Variants in RSBN1L observed in about 807,000 individuals in gnomAD.
The protein encoded by RSBN1L is lysine-specific demethylase RSBN1L.
Under a neutral mutation model 67.7 loss-of-function variants are expected in RSBN1L, and 30 were observed. That is an observed-to-expected ratio of 0.44 (90% confidence interval 0.33 to 0.60). RSBN1L has a LOEUF of 0.60. RSBN1L is among the 20% of genes least tolerant of loss of function. RSBN1L has a pLI of 0.02. For missense variants in RSBN1L, 992 were observed against 1,031.7 expected, an observed-to-expected ratio of 0.96 and a Z score of 0.53; for synonymous variants, 433 against 387.0, an observed-to-expected ratio of 1.12 and a Z score of -1.39.
chr7:77,740,991 T>C (rs1436545207), intron 2 of RSBN1L, among the ~76,000 whole-genome samples: 3 of 148,864 alleles, frequency 2.0e-5, no homozygotes, highest in Admixed American at 6.7e-5. Context: ...TTTTCTTTTT[T>C]TTTTTTTTTT....
chr7:77,723,915 CAA>C (rs1308144915), intron 1 of RSBN1L, among the ~76,000 whole-genome samples: 1 of 150,564 alleles, frequency 6.6e-6, no homozygotes. Flanking sequence ...GCCTGGGACA[CAA>C]GAGTGAAACT....
intron 2 of RSBN1L, among the ~76,000 whole-genome samples, chr7:77,746,699 C>A (rs982844591): frequency 6.6e-6 from 1 of 152,072 alleles, no homozygotes; most frequent in Non-Finnish European, 1.5e-5. Context: ...CACCTATGAG[C>A]GTATAAAATA....
chr7:77,774,539 CAACATGGTAA>C (rs529725937), intron 6 of RSBN1L, among the ~76,000 whole-genome samples: 1 of 152,218 alleles, frequency 6.6e-6, no homozygotes, highest in Non-Finnish European at 1.5e-5. Context: ...CCAGCCTGAC[CAACATGGTAA>C]AACCCCATCT....
chr7:77,717,946 C>T (rs1226314117), intron 1 of RSBN1L, among the ~76,000 whole-genome samples: 2 of 152,082 alleles, frequency 1.3e-5, no homozygotes, highest in Non-Finnish European at 2.9e-5. Flanking sequence ...TGGAACCTGG[C>T]AGGCGGAGGC....
At chr7:77,768,890 A>G in intron 5 of RSBN1L, 87 bp downstream of exon 5, 1 of 1,156,548 alleles carries the variant, frequency 8.6e-7, no homozygotes, top group Non-Finnish European at 1.3e-6. Flanking sequence ...GGAAGGAGGA[A>G]TGCAAAGTTT....
At chr7:77,698,008 G>A (rs558582164) in intron 1 of RSBN1L, among the ~76,000 whole-genome samples, 1 of 152,290 alleles carries the variant, frequency 6.6e-6, no homozygotes, top group Non-Finnish European at 1.5e-5. Flanking sequence ...AATGTGCACT[G>A]CTACACAGTG....
At chr7:77,718,474 A>C (rs1020136259) in intron 1 of RSBN1L, among the ~76,000 whole-genome samples, 1 of 152,042 alleles carries the variant, frequency 6.6e-6, no homozygotes, top group African/African-American at 2.4e-5. Context: ...TATTTTTTAT[A>C]GAGATGAGGT....
rs373897085 is a variant in RSBN1L, at chr7:77,779,025, A to G, written c.2398A>G (p.Ile800Val). 7.0e-5 allele frequency: 113 copies of G among 1,613,970 alleles called. No individual in the cohort carries two copies. Among genetic ancestry groups the G allele is most frequent in the Non-Finnish European group, 8.8e-5 (104 of 1,179,978 alleles). The change falls in exon 8 of 8, where the codon ATT becomes GTT. Residue 800 changes from isoleucine (I) to valine (V), a missense_variant. This residue lies in a region of RSBN1L where 199 missense variants were observed against 167.7 expected (regional missense o/e 1.19). Transcript: ENST00000334955. ...LDHVQFAEFK[I>V]DMDSKFENSN... ...TCATGTTCAATTTGCAGAATTTAAG[A>G]TTGACATGGATTCTAAATTTGAAAA...
intron 1 of RSBN1L, among the ~76,000 whole-genome samples, chr7:77,718,472 A>G (rs914644673): frequency 2.0e-5 from 3 of 151,898 alleles, no homozygotes; most frequent in African/African-American, 7.3e-5. Flanking sequence ...TGTATTTTTT[A>G]TAGAGATGAG....
At chr7:77,738,725 A>G (rs1467389771) in intron 2 of RSBN1L, among the ~76,000 whole-genome samples, 1 of 152,098 alleles carries the variant, frequency 6.6e-6, no homozygotes, top group Non-Finnish European at 1.5e-5. Flanking sequence ...AGGCAGGTGG[A>G]TCACCTGAGG....
chr7:77,774,638 G>T (rs1189361505), intron 6 of RSBN1L, among the ~76,000 whole-genome samples: 1 of 152,186 alleles, frequency 6.6e-6, no homozygotes, highest in Non-Finnish European at 1.5e-5. Flanking sequence ...TCAGGAGGCT[G>T]AGGCAGGAGA....
intron 1 of RSBN1L, among the ~76,000 whole-genome samples, chr7:77,708,292 T>A: frequency 6.6e-6 from 1 of 152,074 alleles, no homozygotes; most frequent in Non-Finnish European, 1.5e-5. Context: ...AACCACTGGC[T>A]AAGATTGATG....
chr7:77,734,784 C>T (rs965357279), intron 1 of RSBN1L, among the ~76,000 whole-genome samples: 15 of 152,196 alleles, frequency 9.9e-5, no homozygotes, highest in African/African-American at 3.1e-4. Context: ...CCACCGCGCC[C>T]GGCCTGGAGT....
chr7:77,720,301 C>T (rs1201427045), intron 1 of RSBN1L, among the ~76,000 whole-genome samples: 1 of 152,140 alleles, frequency 6.6e-6, no homozygotes, highest in African/African-American at 2.4e-5. Context: ...TGGCTCGTGC[C>T]TATAATCTTA....
chr7:77,782,003 C>G lies in RSBN1L; in HGVS notation c.*2835C>G, dbSNP rs906967228. 6.8e-6 allele frequency: 1 copy of G among 147,430 alleles called. No homozygotes were observed. The highest frequency in any genetic ancestry group is 2.0e-4 in the East Asian group (1 of 5,018). 9.1% of individuals were successfully genotyped at this position (147,430 alleles called of 1,614,324 possible). On this transcript the variant is annotated 3_prime_UTR_variant, in exon 8 of 8. Transcript: ENST00000334955. ...AAAAAAAAAAAAAAAGCATACATCT[C>G]TGAAGGTAAAGTATAAATCAGTGGG...
At chr7:77,727,014 C>T (rs566467954) in intron 1 of RSBN1L, among the ~76,000 whole-genome samples, 1 of 151,842 alleles carries the variant, frequency 6.6e-6, no homozygotes, top group South Asian at 2.1e-4. Context: ...ATCTCTTGAC[C>T]TCGTGATCCA....
chr7:77,704,268 A>G (rs995494062), intron 1 of RSBN1L, among the ~76,000 whole-genome samples: 6 of 152,214 alleles, frequency 3.9e-5, no homozygotes. Flanking sequence ...AGTTGATTAT[A>G]ATAAATCTCA....
chr7:77,732,541 C>T (rs1381810519), intron 1 of RSBN1L, among the ~76,000 whole-genome samples: 1 of 152,116 alleles, frequency 6.6e-6, no homozygotes, highest in African/African-American at 2.4e-5. Flanking sequence ...ACTGTGTTGG[C>T]CAGGTTGGTC....
chr7:77,709,059 A>G (rs1042727354), intron 1 of RSBN1L, among the ~76,000 whole-genome samples: 1 of 152,084 alleles, frequency 6.6e-6, no homozygotes, highest in Non-Finnish European at 1.5e-5. Context: ...CAGGTACCTT[A>G]TATTAGAGTT....
Sources: allele counts gnomAD v4.1 joint callset (sites outside exome capture counted in the v4.1 genomes callset), GRCh38; gene constraint gnomAD v4.1.1; regional missense constraint gnomAD v4.1.1; transcripts MANE v1.5; gene names NCBI Gene and HGNC (gene_info 2026-07-23, HGNC 2026-07-21).